Variants in RYR3 observed in about 807,000 individuals in gnomAD.
RYR3 encodes the protein ryanodine receptor 3.
RYR3 carries 207 observed loss-of-function variants against 584.3 expected under a neutral mutation model. The ratio of observed to expected loss-of-function variants is 0.35; its 90% CI spans 0.32 to 0.40. The LOEUF (loss-of-function observed/expected upper bound fraction) is 0.40, where lower values mean the gene tolerates loss of function less well. RYR3 is among the 10% of genes least tolerant of loss of function. The pLI, the probability that RYR3 is intolerant of heterozygous loss-of-function variation, is 1.00. For missense variants in RYR3, 5,616 were observed against 6,089.2 expected (o/e 0.92, Z 2.59); for synonymous variants, 2,416 against 2,248.5 (o/e 1.07, Z -2.11).
Position 33,421,739 on chromosome 15 carries a change from T to A in RYR3, c.52-51680T>A, listed in dbSNP as rs555734136. Among the ~76,000 whole-genome samples, 4 of 152,290 alleles carry A rather than the reference T, an allele frequency of 2.6e-5. No individual in the cohort carries two copies. In the South Asian group the frequency reaches 8.3e-4, roughly 32 times the overall value. Reference sequence around the variant, plus strand: ...TAAATCTGAGTATTATTCTGTGAATTATTATTTAGAAGCATTTATTTCCGA... The same window carrying A: ...TAAATCTGAGTATTATTCTGTGAATAATTATTTAGAAGCATTTATTTCCGA... On this transcript the variant is annotated intron_variant, in intron 1 of 103. Coordinates refer to ENST00000634891, the MANE Select transcript of RYR3 (RefSeq NM_001036.6).
chr15:33,421,598 T>C (rs948053224), intron 1 of RYR3, among the ~76,000 whole-genome samples: 31 of 152,236 alleles, frequency 2.0e-4, no homozygotes, highest in African/African-American at 7.2e-4. Context: ...GAGGGGTTTT[T>C]GAAAGATCAG....
rs111672589 is a variant in RYR3 at position 33,493,604 on chromosome 15, C to G, written c.172-10027C>G. The stretch of plus-strand genomic sequence containing the variant: ...AGGTGCAAGGGTTCCAACTTTTCAC[C>G]TATTGGCACCTTAGCTTTGTAACAT... On this transcript the variant is annotated intron_variant, in intron 2 of 103. Coordinates refer to ENST00000634891, the MANE Select transcript of RYR3 (RefSeq NM_001036.6). Among the ~76,000 whole-genome samples, 1,344 of 152,282 alleles carry G rather than the reference C, an allele frequency of 8.8e-3. 14 individuals are homozygous for G. The highest frequency in any genetic ancestry group is 0.027 in the African/African-American group (1,134 of 41,542).
At chr15:33,593,906 C>T (rs1280039902) in intron 16 of RYR3, among the ~76,000 whole-genome samples, 1 of 152,142 alleles carries the variant, frequency 6.6e-6, no homozygotes, top group Non-Finnish European at 1.5e-5. Flanking sequence ...GTATACAGTG[C>T]AGCAAGGGTA....
At chr15:33,476,408 T>C (rs888774019) in intron 2 of RYR3, among the ~76,000 whole-genome samples, 1 of 152,246 alleles carries the variant, frequency 6.6e-6, no homozygotes, top group African/African-American at 2.4e-5. Context: ...TGAAGAATTT[T>C]AAAAAGAGAT....
At chr15:33,683,068 C>G (rs1253992081) in intron 38 of RYR3, among the ~76,000 whole-genome samples, 1 of 151,758 alleles carries the variant, frequency 6.6e-6, no homozygotes, top group Non-Finnish European at 1.5e-5. Context: ...GATCTTGGCT[C>G]ACTGCAAGCT....
chr15:33,578,904 C>T (rs569325257), intron 12 of RYR3, among the ~76,000 whole-genome samples: 1 of 152,268 alleles, frequency 6.6e-6, no homozygotes, highest in Non-Finnish European at 1.5e-5. Flanking sequence ...TAGCCTTTGC[C>T]CTCTGAGAGG....
chr15:33,707,515 C>T lies in RYR3; in HGVS notation c.6619+461C>T, dbSNP rs138744950. ...TCCCAGGAGAAAAAAATTGCTATAA[C>T]AACCCTAAATATTATTTGTCATAAT... On this transcript the variant is annotated intron_variant, in intron 43 of 103. Coordinates refer to ENST00000634891, the MANE Select transcript of RYR3 (RefSeq NM_001036.6). Among the ~76,000 whole-genome samples the T allele has an allele frequency of 2.0e-5, 3 of 152,248 alleles. No individual in the cohort carries two copies. In the East Asian group the frequency reaches 5.8e-4, roughly 29 times the overall value.
At chr15:33,852,345 A>T (rs993301421) in intron 94 of RYR3, 5 of 152,180 alleles carry the variant, frequency 3.3e-5, no homozygotes, top group African/African-American at 1.2e-4. Context: ...TCTTAACTTT[A>T]ACAGTAAGAA....
chr15:33,455,140 A>AT (rs1223173211), intron 1 of RYR3, among the ~76,000 whole-genome samples: 3 of 152,180 alleles, frequency 2.0e-5, no homozygotes, highest in Non-Finnish European at 4.4e-5. Flanking sequence ...GCAGCTGTGG[A>AT]TGACTTCCAG....
intron 16 of RYR3, among the ~76,000 whole-genome samples, chr15:33,592,430 G>A (rs1423482663): frequency 6.6e-6 from 1 of 152,120 alleles, no homozygotes; most frequent in Non-Finnish European, 1.5e-5. Context: ...GCACTTCTGG[G>A]GATCACACTT....
chr15:33,390,100 G>A lies in RYR3; in HGVS notation c.51+79004G>A, dbSNP rs112029223. Among the ~76,000 whole-genome samples the A allele has an allele frequency of 6.6e-6, 1 of 152,150 alleles. No individual in the cohort carries two copies. Among genetic ancestry groups the A allele is most frequent in the Non-Finnish European group, 1.5e-5 (1 of 68,034 alleles). Reference sequence around the variant, plus strand: ...TGTGGTAAATGAAATTTATGTCGCCGGATGAATTGGCTTCACTGCTGGAAA... The same window carrying A: ...TGTGGTAAATGAAATTTATGTCGCCAGATGAATTGGCTTCACTGCTGGAAA... On this transcript the variant is annotated intron_variant, in intron 1 of 103. Coordinates refer to ENST00000634891, the MANE Select transcript of RYR3 (RefSeq NM_001036.6). The surrounding 1 kb of genome is among the most constrained non-coding windows in gnomAD (Gnocchi z 4.2).
intron 1 of RYR3, among the ~76,000 whole-genome samples, chr15:33,321,786 G>T (rs1347037903): frequency 6.6e-6 from 1 of 152,194 alleles, no homozygotes; most frequent in Non-Finnish European, 1.5e-5. Flanking sequence ...GAGAGTTCCG[G>T]TGCTGAATCT....
At position 33,644,402 on chromosome 15, in the gene RYR3, C is replaced by T. The variant is rs771895244; in HGVS notation, c.3648C>T (p.Cys1216=). The change falls in exon 28 of 104, where the codon TGC becomes TGT. Residue 1216 remains cysteine (C), a synonymous_variant. Coordinates refer to ENST00000634891, the MANE Select transcript of RYR3 (RefSeq NM_001036.6). The part of the protein sequence containing the change: ...DASTFKFYTM[C]GLQEGFEPFA... ...GTACCTTCAAGTTTTATACCATGTG[C>T]GGTCTCCAAGAGGGCTTTGAGCCTT... 8.1e-6 allele frequency: 13 copies of T among 1,613,346 alleles called. No homozygotes were observed. Among genetic ancestry groups the T allele is most frequent in the East Asian group, 2.2e-5 (1 of 44,874 alleles).
intron 18 of RYR3, among the ~76,000 whole-genome samples, chr15:33,608,850 C>T (rs1389996153): frequency 6.6e-6 from 1 of 152,222 alleles, no homozygotes; most frequent in Non-Finnish European, 1.5e-5. Flanking sequence ...CATAATTGCT[C>T]CTCCTGGTGG....
At chr15:33,556,801 A>G (rs1322294619) in intron 10 of RYR3, among the ~76,000 whole-genome samples, 3 of 152,112 alleles carry the variant, frequency 2.0e-5, no homozygotes, top group Admixed American at 2.0e-4. Flanking sequence ...CTGCACTCAC[A>G]TCAGGTAGAA....
intron 14 of RYR3, among the ~76,000 whole-genome samples, chr15:33,582,309 C>T (rs1314741678): frequency 2.0e-5 from 3 of 152,160 alleles, no homozygotes; most frequent in South Asian, 2.1e-4. Flanking sequence ...TACTTTAGGG[C>T]TTTGCTCTGA....
chr15:33,855,795 A>T (rs928140722), intron 98 of RYR3: 1 of 152,204 alleles, frequency 6.6e-6, no homozygotes. Flanking sequence ...GACTCTGACA[A>T]TATATGGAAG....
At chr15:33,845,960 C>T (rs1281895392) in intron 93 of RYR3, among the ~76,000 whole-genome samples, 3 of 152,194 alleles carry the variant, frequency 2.0e-5, no homozygotes, top group Admixed American at 6.5e-5. Context: ...AAAGGCGCTA[C>T]ATTTGCAGCC....
At chr15:33,497,546 A>C (rs2051548706) in intron 2 of RYR3, among the ~76,000 whole-genome samples, 1 of 152,160 alleles carries the variant, frequency 6.6e-6, no homozygotes, top group Non-Finnish European at 1.5e-5. Flanking sequence ...CTCCTAATTT[A>C]TCTCTCTGCT....
Sources: gnomAD v4.1 joint callset for allele counts (sites outside exome capture counted in the v4.1 genomes callset) on GRCh38, gnomAD v4.1.1 for gene constraint, Gnocchi (gnomAD v3.1) non-coding constraint, MANE v1.5 for transcripts, NCBI Gene and HGNC (gene_info 2026-07-23, HGNC 2026-07-21) for gene names.